Variants in CASP5 observed in about 807,000 individuals in gnomAD.
The protein encoded by CASP5 is caspase 5.
Under a neutral mutation model 45.2 loss-of-function variants are expected in CASP5, and 42 were observed. The observed-to-expected ratio is 0.93, with a 90% CI of 0.73 to 1.20. The LOEUF (loss-of-function observed/expected upper bound fraction) is 1.20. Ranked by LOEUF, CASP5 falls within the 50% of genes most tolerant of loss-of-function variation. The pLI is 0.00. For synonymous variants in CASP5, 209 were observed against 186.2 expected (o/e 1.12, Z -1.00); for missense variants, 512 against 532.2 (o/e 0.96, Z 0.37).
At chr11:105,006,815 G>A (rs3181171) in intron 3 of CASP5, among the ~76,000 whole-genome samples, 8,581 of 152,130 alleles carry the variant, frequency 0.056, 734 homozygotes, top group African/African-American at 0.19. Flanking sequence ...ATCTAAGTTT[G>A]GGTTTAGGTA....
chr11:105,021,233 C>G lies in CASP5; in HGVS notation c.7+1897G>C, dbSNP rs988455810. Among the ~76,000 whole-genome samples the G allele has an allele frequency of 2.7e-5, 4 of 150,852 alleles. 1 individual carries two copies. Among genetic ancestry groups the G allele is most frequent in the African/African-American group, 9.7e-5 (4 of 41,216 alleles). Reference sequence around the variant, plus strand: ...AGAAGAAAACCTAGACATTACCATTCAGGACATAGGCATGGGCAAGGACTT... The same window carrying G: ...AGAAGAAAACCTAGACATTACCATTGAGGACATAGGCATGGGCAAGGACTT... On this transcript the variant is annotated intron_variant, in intron 1 of 9. Coordinates refer to ENST00000260315, the MANE Select transcript of CASP5 (RefSeq NM_004347.5).
intron 1 of CASP5, among the ~76,000 whole-genome samples, chr11:105,016,946 C>A (rs1256622747): frequency 6.6e-6 from 1 of 151,620 alleles, no homozygotes; most frequent in Non-Finnish European, 1.5e-5. Flanking sequence ...TCCCAGCACG[C>A]AGCTGGAGAT....
chr11:104,998,312 T>C (rs1344950346), intron 7 of CASP5, among the ~76,000 whole-genome samples: 1 of 152,166 alleles, frequency 6.6e-6, no homozygotes, highest in Non-Finnish European at 1.5e-5. Flanking sequence ...AAGAGTAAAA[T>C]AGAAAGCCCT....
chr11:105,019,968 G>T (rs1347381775), intron 1 of CASP5, among the ~76,000 whole-genome samples: 2 of 145,262 alleles, frequency 1.4e-5, no homozygotes, highest in Non-Finnish European at 3.1e-5. Context: ...ATGATCAAGG[G>T]GGCTTCATCC....
intron 4 of CASP5, 99 bp downstream of exon 4, chr11:105,003,175 G>C (rs780236617): frequency 1.3e-6 from 1 of 776,838 alleles, no homozygotes; most frequent in Middle Eastern, 2.3e-4. Context: ...ACTCCAGGCT[G>C]GGCAACAGAG....
In CASP5 at chr11:105,013,828, A is replaced by G. The variant is rs555486518; in HGVS notation, c.8-4848T>C. Among the ~76,000 whole-genome samples, 337 of 152,216 alleles carry G rather than the reference A, an allele frequency of 2.2e-3. 2 individuals carry two copies. Among genetic ancestry groups the G allele is most frequent in the African/African-American group, 8.0e-3 (331 of 41,546 alleles). On this transcript the variant is annotated intron_variant, in intron 1 of 9. Transcript: ENST00000260315. The stretch of plus-strand genomic sequence containing the variant: ...GCTCCTCCATATAGTAAAAAATAAT[A>G]CCTAACTTCCAAGTGCGGGAAGGCA...
intron 9 of CASP5, 80 bp downstream of exon 9, chr11:104,995,660 C>T: frequency 1.2e-6 from 1 of 839,156 alleles, no homozygotes; most frequent in Non-Finnish European, 2.0e-6. Flanking sequence ...TATAAGCAGT[C>T]AGCTGTCATT....
chr11:105,010,474 A>C (rs935110334), intron 1 of CASP5, among the ~76,000 whole-genome samples: 72 of 124,060 alleles, frequency 5.8e-4, no homozygotes, highest in African/African-American at 1.8e-3. Flanking sequence ...ATAAATCAGT[A>C]ATTATCATTA....
chr11:105,003,598 G>A lies in CASP5; in HGVS notation c.434-215C>T, dbSNP rs545426306. ...CCCACAACCCCACCAAGAAGAAGAT[G>A]CAACTATAGATTCCGATTATTCTGG... On this transcript the variant is annotated intron_variant, in intron 3 of 9. Coordinates refer to ENST00000260315, the MANE Select transcript of CASP5 (RefSeq NM_004347.5). 3.3e-5 allele frequency among the ~76,000 whole-genome samples: 5 copies of A among 151,984 alleles called. No homozygotes were observed. In the East Asian group the frequency reaches 9.7e-4, roughly 29 times the overall value.
At chr11:105,003,520 T>C in intron 3 of CASP5, 137 bp from the exon 4 acceptor site, 1 of 527,266 alleles carries the variant, frequency 1.9e-6, no homozygotes, top group East Asian at 3.4e-5. Flanking sequence ...CTGTACCTAA[T>C]TTCCAGCTTA....
rs201689777 is a variant in CASP5, at chr11:105,007,273, A to T, written c.243T>A (p.His81Gln). The part of the protein sequence containing the change: ...MLEYLGKDVL[H>Q]GVFNYLAKHD... ...GTTTTGCCAAATAATTAAAAACACCATGAAGAACATCTTTGCCCAGGTATT... is the reference window on the plus strand; with the variant it reads ...GTTTTGCCAAATAATTAAAAACACCTTGAAGAACATCTTTGCCCAGGTATT... The change falls in exon 3 of 10, where the codon CAT (histidine) becomes CAA (glutamine). Residue 81 changes from histidine (H) to glutamine (Q), a missense_variant. Transcript: ENST00000260315. 3.1e-6 allele frequency: 5 copies of T among 1,610,892 alleles called. No individual in the cohort carries two copies. In the Admixed American group the frequency reaches 6.7e-5, roughly 22 times the overall value.
intron 1 of CASP5, among the ~76,000 whole-genome samples, chr11:105,017,521 G>A (rs1203395835): frequency 1.3e-5 from 2 of 152,104 alleles, no homozygotes; most frequent in African/African-American, 4.8e-5. Flanking sequence ...AGAAGCCTCA[G>A]GAGCCGATGC....
At chr11:105,009,981 AC>A (rs534279517) in intron 1 of CASP5, among the ~76,000 whole-genome samples, 43 of 149,908 alleles carry the variant, frequency 2.9e-4, no homozygotes, top group Non-Finnish European at 5.5e-4. Context: ...TTATTTCAAT[AC>A]AAGAGATATG....
At chr11:105,003,845 A>T (rs1861873013) in intron 3 of CASP5, among the ~76,000 whole-genome samples, 1 of 151,208 alleles carries the variant, frequency 6.6e-6, no homozygotes, top group Non-Finnish European at 1.5e-5. Flanking sequence ...CATTTACAAA[A>T]GGTAAAAATA....
At chr11:105,016,580 C>A (rs765499947) in intron 1 of CASP5, among the ~76,000 whole-genome samples, 1 of 152,054 alleles carries the variant, frequency 6.6e-6, no homozygotes, top group Non-Finnish European at 1.5e-5. Context: ...CACTTCCACC[C>A]GAATACTGCG....
intron 1 of CASP5, among the ~76,000 whole-genome samples, chr11:105,017,920 C>A (rs1862717809): frequency 6.6e-6 from 1 of 152,108 alleles, no homozygotes; most frequent in African/African-American, 2.4e-5. Context: ...GGTCAGGTTA[C>A]CCTCAAAGAG....
intron 9 of CASP5, 77 bp downstream of exon 9, chr11:104,995,663 C>A: frequency 1.2e-6 from 1 of 860,884 alleles, no homozygotes; most frequent in Non-Finnish European, 1.9e-6. Context: ...AAGCAGTCAG[C>A]TGTCATTGGT....
intron 3 of CASP5, 80 bp downstream of exon 3, chr11:105,007,003 A>G: frequency 7.6e-6 from 9 of 1,182,106 alleles, no homozygotes; most frequent in Non-Finnish European, 9.7e-6. Flanking sequence ...TAGGTAGATC[A>G]CAGATAACAC....
At chr11:105,023,045 A>G in intron 1 of CASP5, 85 bp downstream of exon 1, 1 of 1,262,210 alleles carries the variant, frequency 7.9e-7, no homozygotes, top group East Asian at 2.5e-5. Context: ...CCCTTTTGGT[A>G]TTTCTGCCTG....
Sources: gnomAD v4.1 joint callset for allele counts (sites outside exome capture counted in the v4.1 genomes callset) on GRCh38, gnomAD v4.1.1 for gene constraint, MANE v1.5 for transcripts, NCBI Gene and HGNC (gene_info 2026-07-23, HGNC 2026-07-21) for gene names.